DIP2C: variants seen among roughly 807,000 people sequenced by gnomAD.
The protein encoded by DIP2C is disco-interacting protein 2 homolog C.
A neutral mutation model predicts 192.4 loss-of-function variants in DIP2C; 33 were observed. The observed-to-expected ratio is 0.17, with a 90% confidence interval of 0.13 to 0.23. The LOEUF is 0.23. Among genes scored for constraint, DIP2C ranks in the 10% least tolerant of loss-of-function variants. The pLI is 1.00. For synonymous variants in DIP2C, 979 were observed against 864.1 expected (o/e 1.13, Z -2.33); for missense variants, 1,537 against 2,110.1 (o/e 0.73, Z 5.32).
At chr10:349,985 G>A (rs1400459660) in intron 24 of DIP2C, among the ~76,000 whole-genome samples, 1 of 152,222 alleles carries the variant, frequency 6.6e-6, no homozygotes, top group Non-Finnish European at 1.5e-5. Flanking sequence ...AGACTTTAAT[G>A]TACAAACAAA....
At chr10:587,296 C>T (rs1219403499) in intron 1 of DIP2C, among the ~76,000 whole-genome samples, 1 of 152,212 alleles carries the variant, frequency 6.6e-6, no homozygotes, top group African/African-American at 2.4e-5. Context: ...GATACCATGA[C>T]TTCAGGAGTT....
At chr10:423,373 T>C (rs904172319) in intron 4 of DIP2C, among the ~76,000 whole-genome samples, 1 of 152,246 alleles carries the variant, frequency 6.6e-6, no homozygotes, top group Non-Finnish European at 1.5e-5. Context: ...AAGGGCCGCG[T>C]TTCCTAGGGG....
chr10:562,505 T>C (rs973071971), intron 1 of DIP2C, among the ~76,000 whole-genome samples: 1 of 152,232 alleles, frequency 6.6e-6, no homozygotes, highest in Admixed American at 6.5e-5. Context: ...CTCTACGAAA[T>C]AGACGAAATT....
chr10:447,560 C>A (rs1446249114), intron 3 of DIP2C, among the ~76,000 whole-genome samples: 3 of 149,822 alleles, frequency 2.0e-5, no homozygotes, highest in Non-Finnish European at 4.4e-5. Context: ...GGCAGCAGGA[C>A]CCACTCACCC....
At chr10:559,366 GGT>G (rs1849077239) in intron 1 of DIP2C, among the ~76,000 whole-genome samples, 1 of 149,240 alleles carries the variant, frequency 6.7e-6, no homozygotes, top group South Asian at 2.1e-4. Context: ...ACACAAGCTC[GGT>G]GTGTCCTACC....
At position 281,243 on chromosome 10, in the gene DIP2C, T is replaced by C; in HGVS notation, c.4375A>G (p.Ile1459Val). 6.2e-7 allele frequency: 1 copy of C among 1,614,190 alleles called. No individual in the cohort carries two copies. The highest frequency in any genetic ancestry group is 8.5e-7 in the Non-Finnish European group (1 of 1,180,034). Residue 1459 changes from isoleucine (I) to valine (V), a missense_variant, in exon 36 of 37, where the codon ATT (isoleucine) becomes GTT (valine). Transcript: ENST00000280886. ...LRGMRYHPID[I>V]ETSVIRAHKS... ...TGGGCTCTGATGACCGAGGTCTCAA[T>C]GTCGATTGGGTGGTACCGCATGCCC...
At chr10:378,270 T>C (rs1961875081) in intron 17 of DIP2C, among the ~76,000 whole-genome samples, 1 of 152,236 alleles carries the variant, frequency 6.6e-6, no homozygotes, top group African/African-American at 2.4e-5. Flanking sequence ...GTAGCAAGAC[T>C]GAGCAGACTT....
chr10:580,279 T>C (rs1423953945), intron 1 of DIP2C, among the ~76,000 whole-genome samples: 2 of 152,178 alleles, frequency 1.3e-5, no homozygotes, highest in African/African-American at 2.4e-5. Flanking sequence ...ACATAGTGTA[T>C]GTACATATGC....
rs1244739796 is a variant in DIP2C, at chr10:651,333, C to T, written c.85+38161G>A. 1 of 704,224 alleles carries T rather than the reference C, an allele frequency of 1.4e-6. No homozygotes were observed. Among genetic ancestry groups the T allele is most frequent in the South Asian group, 1.5e-5 (1 of 66,848 alleles). 43.6% of individuals were successfully genotyped at this position (704,224 alleles called of 1,614,324 possible). On this transcript the variant is annotated intron_variant, in intron 1 of 36. Coordinates refer to ENST00000280886, the MANE Select transcript of DIP2C (RefSeq NM_014974.3). The surrounding 1 kb of genome is among the most constrained non-coding windows in gnomAD (Gnocchi z 4.1). The stretch of plus-strand genomic sequence containing the variant: ...AACGTGGACACGATCCCATCAGGAA[C>T]CACCTACTTTTGCATCCCCAGCACT...
At chr10:491,149 G>A (rs1408442663) in intron 1 of DIP2C, among the ~76,000 whole-genome samples, 1 of 152,204 alleles carries the variant, frequency 6.6e-6, no homozygotes, top group African/African-American at 2.4e-5. Context: ...CAGAGCCAGT[G>A]CTGTGAACGT....
chr10:435,385 A>G (rs1967095626), intron 4 of DIP2C, among the ~76,000 whole-genome samples: 1 of 152,134 alleles, frequency 6.6e-6, no homozygotes, highest in Non-Finnish European at 1.5e-5. Context: ...CTTCCCTGAT[A>G]TTTACTTCGA....
intron 1 of DIP2C, among the ~76,000 whole-genome samples, chr10:537,496 A>C (rs1847754064): frequency 6.6e-6 from 1 of 152,126 alleles, no homozygotes; most frequent in Non-Finnish European, 1.5e-5. Context: ...CAACACAAGT[A>C]ACTACGACCT....
chr10:471,065 AAT>A (rs1039246770), intron 3 of DIP2C, among the ~76,000 whole-genome samples: 1 of 152,164 alleles, frequency 6.6e-6, no homozygotes, highest in African/African-American at 2.4e-5. Context: ...AGAAGGTCTC[AAT>A]ATGTGTCGGG....
chr10:550,257 G>A (rs185453772), intron 1 of DIP2C, among the ~76,000 whole-genome samples: 19 of 151,018 alleles, frequency 1.3e-4, no homozygotes, highest in Admixed American at 4.0e-4. Flanking sequence ...TGATCCACCC[G>A]CCTTGACCTC....
chr10:282,269 C>T (rs1360871475), intron 35 of DIP2C: 5 of 152,266 alleles, frequency 3.3e-5, no homozygotes, highest in Admixed American at 6.5e-5. Flanking sequence ...CTCAGCGGGA[C>T]GTGGCTTTCC....
At chr10:573,299 A>T (rs75756194) in intron 1 of DIP2C, among the ~76,000 whole-genome samples, 4,615 of 152,324 alleles carry the variant, frequency 0.03, 229 homozygotes, top group African/African-American at 0.1. Flanking sequence ...CAATGTAATG[A>T]AAAAACAGGG....
intron 10 of DIP2C, among the ~76,000 whole-genome samples, chr10:394,217 G>A (rs11252120): frequency 6.6e-6 from 1 of 152,186 alleles, no homozygotes; most frequent in Admixed American, 6.5e-5. Flanking sequence ...CACACTGGGC[G>A]CTATTCAGCC....
At chr10:422,527 T>G (rs1418871789) in intron 5 of DIP2C, among the ~76,000 whole-genome samples, 2 of 152,092 alleles carry the variant, frequency 1.3e-5, no homozygotes, top group Non-Finnish European at 2.9e-5. Context: ...CCCTGTCCTG[T>G]TGATTGGGAC....
At chr10:408,896 T>C in intron 9 of DIP2C, 30 bp downstream of exon 9, 1 of 1,609,952 alleles carries the variant, frequency 6.2e-7, no homozygotes, top group Non-Finnish European at 8.5e-7. Flanking sequence ...TCTTGTGTTT[T>C]GTAGATCCAG....
Sources: gnomAD v4.1 joint callset for allele counts (sites outside exome capture counted in the v4.1 genomes callset) on GRCh38, gnomAD v4.1.1 for gene constraint, Gnocchi (gnomAD v3.1) non-coding constraint, MANE v1.5 for transcripts, NCBI Gene and HGNC (gene_info 2026-07-23, HGNC 2026-07-21) for gene names.